The following ICA1 variants were observed in gnomAD, a reference collection of about 807,000 sequenced individuals.
ICA1 encodes 69 kDa islet cell autoantigen.
ICA1 carries 40 observed loss-of-function variants against 71.0 expected under a neutral mutation model. The ratio of observed to expected loss-of-function variants is 0.56; its 90% CI spans 0.44 to 0.73. The LOEUF is 0.73. ICA1 is among the 30% of genes least tolerant of loss of function. ICA1 has a pLI of 0.00. For missense variants in ICA1, 578 were observed against 576.5 expected (o/e 1.00, Z -0.03); for synonymous variants, 207 against 209.5 (o/e 0.99, Z 0.10).
At chr7:8,161,245 C>A (rs1268921601) in intron 6 of ICA1, among the ~76,000 whole-genome samples, 1 of 152,004 alleles carries the variant, frequency 6.6e-6, no homozygotes, top group Non-Finnish European at 1.5e-5. Context: ...GCATAAAGAC[C>A]CCCTCATCTC....
At chr7:8,261,422 C>G (rs536268738) in intron 1 of ICA1, among the ~76,000 whole-genome samples, 4 of 152,244 alleles carry the variant, frequency 2.6e-5, no homozygotes, top group African/African-American at 4.8e-5. Flanking sequence ...AAGGCGGAGT[C>G]AGCAGCGCCC....
chr7:8,221,201 T>A (rs1359302228), intron 5 of ICA1, 74 bp downstream of exon 5: 6 of 1,581,002 alleles, frequency 3.8e-6, no homozygotes, highest in East Asian at 4.5e-5. Context: ...ACTGTGAGAT[T>A]CCCTTTCGTG....
intron 6 of ICA1, among the ~76,000 whole-genome samples, chr7:8,208,016 T>C (rs1011460006): frequency 1.3e-5 from 2 of 152,170 alleles, no homozygotes; most frequent in Non-Finnish European, 2.9e-5. Context: ...GAATGCTTTG[T>C]TGAGGGTTAA....
intron 1 of ICA1, among the ~76,000 whole-genome samples, chr7:8,251,926 CA>C (rs1400458785): frequency 6.6e-6 from 1 of 152,110 alleles, no homozygotes; most frequent in African/African-American, 2.4e-5. Context: ...GCCCTCCTTT[CA>C]AAGGATGATC....
At chr7:8,145,372 T>C (rs954639967) in intron 8 of ICA1, among the ~76,000 whole-genome samples, 4 of 152,156 alleles carry the variant, frequency 2.6e-5, no homozygotes, top group Non-Finnish European at 5.9e-5. Flanking sequence ...GCTAGTTTCT[T>C]CCTTCCTGTC....
chr7:8,229,972 T>C (rs1799761048), intron 3 of ICA1, among the ~76,000 whole-genome samples: 1 of 152,218 alleles, frequency 6.6e-6, no homozygotes, highest in South Asian at 2.1e-4. Context: ...GTTGTTACTG[T>C]TCACTTTTTA....
chr7:8,190,309 C>T (rs1585053942), intron 6 of ICA1, among the ~76,000 whole-genome samples: 1 of 152,014 alleles, frequency 6.6e-6, no homozygotes, highest in Non-Finnish European at 1.5e-5. Flanking sequence ...CCAGAGGAGA[C>T]ATGGCTGTAG....
chr7:8,220,527 G>T (rs759061107), intron 5 of ICA1, among the ~76,000 whole-genome samples: 2 of 152,162 alleles, frequency 1.3e-5, no homozygotes, highest in East Asian at 3.8e-4. Context: ...CATTTTGGGG[G>T]TTTGTTAGTT....
intron 1 of ICA1, among the ~76,000 whole-genome samples, chr7:8,237,356 G>A (rs998632937): frequency 5.3e-5 from 8 of 151,962 alleles, no homozygotes; most frequent in Admixed American, 1.3e-4. Flanking sequence ...ATAAAAAGAG[G>A]GTGTTCAAAG....
chr7:8,153,590 T>A (rs904810874), intron 8 of ICA1, among the ~76,000 whole-genome samples: 2 of 151,986 alleles, frequency 1.3e-5, no homozygotes, highest in African/African-American at 2.4e-5. Flanking sequence ...GACTACCACA[T>A]CTCAGTGTTG....
intron 3 of ICA1, among the ~76,000 whole-genome samples, chr7:8,229,945 T>C: frequency 6.6e-6 from 1 of 152,236 alleles, no homozygotes; most frequent in Admixed American, 6.5e-5. Flanking sequence ...TCAAAAAGTA[T>C]GTTTAGGAGT....
At chr7:8,224,317 T>C (rs1449472682) in intron 4 of ICA1, among the ~76,000 whole-genome samples, 1 of 151,904 alleles carries the variant, frequency 6.6e-6, no homozygotes, top group Non-Finnish European at 1.5e-5. Flanking sequence ...GCCTTGGGAG[T>C]TTGGTGGACA....
At chr7:8,183,341 C>T (rs1782820809) in intron 6 of ICA1, among the ~76,000 whole-genome samples, 2 of 152,184 alleles carry the variant, frequency 1.3e-5, no homozygotes, top group Non-Finnish European at 2.9e-5. Flanking sequence ...TTCTAACCCC[C>T]GTCTACAGAT....
intron 6 of ICA1, among the ~76,000 whole-genome samples, chr7:8,182,018 T>C (rs915964223): frequency 7.9e-5 from 12 of 152,186 alleles, no homozygotes; most frequent in African/African-American, 2.7e-4. Flanking sequence ...GAAGAAAAAC[T>C]CAATGCTCCA....
At chr7:8,139,218 G>T (rs1352108701) in intron 10 of ICA1, among the ~76,000 whole-genome samples, 171 bp from the exon 11 acceptor site, 4 of 152,208 alleles carry the variant, frequency 2.6e-5, no homozygotes. Flanking sequence ...AGCTCTCAGA[G>T]AATGCCAAAT....
chr7:8,120,039 T>C (rs924743694), intron 13 of ICA1, among the ~76,000 whole-genome samples: 14 of 152,102 alleles, frequency 9.2e-5, no homozygotes, highest in African/African-American at 3.4e-4. Context: ...CTAGAACCCA[T>C]GGATTTGGAG....
intron 3 of ICA1, among the ~76,000 whole-genome samples, chr7:8,231,960 C>G (rs1459999986): frequency 6.6e-6 from 1 of 152,156 alleles, no homozygotes; most frequent in African/African-American, 2.4e-5. Flanking sequence ...ATCAGACCAT[C>G]TAAGATATTA....
chr7:8,224,916 C>T (rs148910795), intron 4 of ICA1, among the ~76,000 whole-genome samples: 66 of 152,312 alleles, frequency 4.3e-4, no homozygotes, highest in African/African-American at 1.5e-3. Flanking sequence ...GAAGGATACA[C>T]AATGGTGAAG....
At chr7:8,185,220 A>T (rs1783537881) in intron 6 of ICA1, among the ~76,000 whole-genome samples, 1 of 152,250 alleles carries the variant, frequency 6.6e-6, no homozygotes, top group Non-Finnish European at 1.5e-5. Flanking sequence ...AAATAAAAGT[A>T]AATTTTAATC....
Sources: allele counts gnomAD v4.1 joint callset (sites outside exome capture counted in the v4.1 genomes callset), GRCh38; gene constraint gnomAD v4.1.1; transcripts MANE v1.5; gene names NCBI Gene and HGNC (gene_info 2026-07-23, HGNC 2026-07-21).